Variants in GPC5 observed in about 807,000 individuals in gnomAD.
The protein encoded by GPC5 is glypican 5.
In GPC5, 47 loss-of-function variants were observed where a neutral mutation model predicts 53.9. That is an observed-to-expected ratio of 0.87 (90% CI 0.69 to 1.11). The LOEUF (loss-of-function observed/expected upper bound fraction) is 1.11. Among genes scored for constraint, GPC5 ranks in the 50% most tolerant of loss-of-function variants. GPC5 has a pLI of 0.00. For missense variants in GPC5, 748 were observed against 713.1 expected (o/e 1.05, Z -0.56); for synonymous variants, 286 against 263.3 (o/e 1.09, Z -0.84).
At chr13:92,559,328 A>G (rs1477165371) in intron 7 of GPC5, among the ~76,000 whole-genome samples, 2 of 103,120 alleles carry the variant, frequency 1.9e-5, no homozygotes, top group Non-Finnish European at 3.9e-5. Flanking sequence ...TGTAGTGTGT[A>G]TATGTGTGTG....
chr13:91,546,969 A>T (rs768593460), intron 2 of GPC5, among the ~76,000 whole-genome samples: 1 of 152,090 alleles, frequency 6.6e-6, no homozygotes, highest in Non-Finnish European at 1.5e-5. Flanking sequence ...AAAGAAGAAG[A>T]AAAATTTTAG....
At chr13:92,267,284 C>T (rs1031843933) in intron 7 of GPC5, among the ~76,000 whole-genome samples, 1 of 152,108 alleles carries the variant, frequency 6.6e-6, no homozygotes, top group East Asian at 1.9e-4. Flanking sequence ...ATTATATACT[C>T]TTTATTATCT....
chr13:91,850,700 A>G (rs2038902989), intron 5 of GPC5, among the ~76,000 whole-genome samples: 1 of 151,876 alleles, frequency 6.6e-6, no homozygotes, highest in African/African-American at 2.4e-5. Context: ...CCTCACACAA[A>G]TGCCAGTGCT....
At chr13:92,603,482 T>C (rs1884150644) in intron 7 of GPC5, among the ~76,000 whole-genome samples, 1 of 152,200 alleles carries the variant, frequency 6.6e-6, no homozygotes, top group Admixed American at 6.5e-5. Flanking sequence ...TAATTAAAAA[T>C]TCTGATAAGA....
intron 7 of GPC5, among the ~76,000 whole-genome samples, chr13:92,702,964 T>A (rs1466149375): frequency 6.6e-6 from 1 of 151,996 alleles, no homozygotes; most frequent in East Asian, 1.9e-4. Flanking sequence ...AAAGCTCAGA[T>A]GGGAATTGTT....
chr13:91,700,756 A>G (rs1199928101), intron 3 of GPC5, among the ~76,000 whole-genome samples: 2 of 152,158 alleles, frequency 1.3e-5, no homozygotes, highest in African/African-American at 4.8e-5. Flanking sequence ...GAACCCTTAC[A>G]TTCTTCCTCA....
intron 7 of GPC5, among the ~76,000 whole-genome samples, chr13:92,847,645 A>T (rs1197127405): frequency 2.0e-5 from 3 of 151,518 alleles, no homozygotes; most frequent in Non-Finnish European, 4.4e-5. Context: ...TTTTTAATAA[A>T]TTACCCAGTC....
At chr13:91,904,797 A>G (rs1594653731) in intron 5 of GPC5, among the ~76,000 whole-genome samples, 1 of 152,176 alleles carries the variant, frequency 6.6e-6, no homozygotes, top group East Asian at 1.9e-4. Flanking sequence ...AGAGTGAAGA[A>G]AAGAGGAAAC....
At chr13:92,194,771 C>T (rs1428585800) in intron 7 of GPC5, among the ~76,000 whole-genome samples, 1 of 152,134 alleles carries the variant, frequency 6.6e-6, no homozygotes, top group Non-Finnish European at 1.5e-5. Flanking sequence ...GTATTAGCCT[C>T]CCCATCAGAT....
At chr13:92,013,275 G>A (rs1566393977) in intron 6 of GPC5, among the ~76,000 whole-genome samples, 1 of 152,184 alleles carries the variant, frequency 6.6e-6, no homozygotes, top group Non-Finnish European at 1.5e-5. Context: ...AATGGAAATG[G>A]CTCTCAGCAG....
chr13:91,620,605 A>AT (rs2033827862), intron 2 of GPC5, among the ~76,000 whole-genome samples: 1 of 152,092 alleles, frequency 6.6e-6, no homozygotes, highest in Admixed American at 6.6e-5. Context: ...AAGATGGCTT[A>AT]AGTTATGGTC....
intron 2 of GPC5, among the ~76,000 whole-genome samples, chr13:91,522,470 G>A (rs545829507): frequency 1.2e-4 from 19 of 152,080 alleles, no homozygotes; most frequent in South Asian, 8.3e-4. Flanking sequence ...CCATAGCTGC[G>A]CACTCTTTTT....
At chr13:92,849,089 A>ATTATG (rs147074868) in intron 7 of GPC5, among the ~76,000 whole-genome samples, 20,616 of 152,042 alleles carry the variant, frequency 0.14, 1,523 homozygotes, top group Middle Eastern at 0.19. Flanking sequence ...AATATCCTTA[A>ATTATG]TTATGTTACA....
chr13:92,295,508 T>C (rs1005015506), intron 7 of GPC5, among the ~76,000 whole-genome samples: 1 of 152,190 alleles, frequency 6.6e-6, no homozygotes, highest in Non-Finnish European at 1.5e-5. Flanking sequence ...CATTGTTTCT[T>C]TGTTGACTTT....
chr13:91,700,478 G>A (rs2035969387), intron 3 of GPC5, among the ~76,000 whole-genome samples: 1 of 152,182 alleles, frequency 6.6e-6, no homozygotes, highest in Non-Finnish European at 1.5e-5. Flanking sequence ...AGGTCTGTAA[G>A]GCAGAATCTG....
chr13:92,184,490 G>A (rs576498209), intron 7 of GPC5, among the ~76,000 whole-genome samples: 21 of 152,202 alleles, frequency 1.4e-4, no homozygotes, highest in African/African-American at 4.3e-4. Context: ...TGAGGCCCAA[G>A]CTTTTAGCTT....
intron 6 of GPC5, among the ~76,000 whole-genome samples, chr13:91,973,241 T>C (rs1212309983): frequency 1.3e-5 from 2 of 152,226 alleles, no homozygotes; most frequent in East Asian, 1.9e-4. Flanking sequence ...TGATACCCTT[T>C]CTTCCAGTTG....
intron 7 of GPC5, among the ~76,000 whole-genome samples, chr13:92,685,135 T>A (rs1482962712): frequency 6.6e-6 from 1 of 151,112 alleles, no homozygotes; most frequent in Non-Finnish European, 1.5e-5. Flanking sequence ...CTGTCACCCA[T>A]GCTAGAGTGC....
intron 2 of GPC5, among the ~76,000 whole-genome samples, chr13:91,581,983 A>T (rs1266425713): frequency 1.3e-5 from 2 of 152,086 alleles, no homozygotes; most frequent in Non-Finnish European, 2.9e-5. Flanking sequence ...GAAAAATGAA[A>T]CCCAGGATGC....
Sources: gnomAD v4.1 joint callset for allele counts (sites outside exome capture counted in the v4.1 genomes callset) on GRCh38, gnomAD v4.1.1 for gene constraint, MANE v1.5 for transcripts, NCBI Gene and HGNC (gene_info 2026-07-23, HGNC 2026-07-21) for gene names.